Variants in AASS observed in about 807,000 individuals in gnomAD.
AASS encodes the protein aminoadipate-semialdehyde synthase.
AASS carries 86 observed loss-of-function variants against 105.4 expected under a neutral mutation model. The ratio of observed to expected loss-of-function variants is 0.82; its 90% CI spans 0.69 to 0.98. The LOEUF is 0.98. Among genes scored for constraint, AASS ranks in the 50% least tolerant of loss-of-function variants. The pLI is 0.00. For synonymous variants in AASS, 381 were observed against 394.8 expected (o/e 0.96, Z 0.41); for missense variants, 1,048 against 1,143.2 (o/e 0.92, Z 1.20).
intron 4 of AASS, among the ~76,000 whole-genome samples, chr7:122,121,595 G>A (rs969136890): frequency 3.9e-5 from 6 of 151,986 alleles, no homozygotes; most frequent in Non-Finnish European, 5.9e-5. Context: ...GGACTTCATC[G>A]TGTGCCCAGG....
chr7:122,087,953 A>C (rs1415232194), intron 18 of AASS, among the ~76,000 whole-genome samples: 1 of 152,200 alleles, frequency 6.6e-6, no homozygotes, highest in African/African-American at 2.4e-5. Flanking sequence ...TGAGAATGGC[A>C]GGTGGCTAAG....
chr7:122,076,456 C>T lies in AASS; in HGVS notation c.*33G>A. The stretch of plus-strand genomic sequence containing the variant: ...CACACACATGTTCAGAGGTGTATTG[C>T]CTGGGAAGAAAAAAACAAAATATAA... On this transcript the variant is annotated 3_prime_UTR_variant, in exon 24 of 24. Coordinates refer to ENST00000417368, the MANE Select transcript of AASS (RefSeq NM_005763.4). The T allele has an allele frequency of 1.4e-6, 2 of 1,418,216 alleles. No homozygotes were observed. The highest frequency in any genetic ancestry group is 2.0e-6 in the Non-Finnish European group (2 of 1,001,870). The allele number at this position is 1,418,216 out of a possible 1,614,324, so 87.9% of individuals were successfully genotyped here. A position where few individuals can be genotyped will look rare whatever the true frequency, so the allele number is the denominator to read the frequency against.
chr7:122,082,861 C>G, intron 19 of AASS: 1 of 1,289,498 alleles, frequency 7.8e-7, no homozygotes, highest in Non-Finnish European at 1.0e-6. Context: ...CATTATTCAA[C>G]ATTCCAATCC....
intron 1 of AASS, among the ~76,000 whole-genome samples, chr7:122,143,364 C>T (rs1483045336): frequency 6.6e-6 from 1 of 151,194 alleles, no homozygotes; most frequent in African/African-American, 2.4e-5. Flanking sequence ...CACCCCCATT[C>T]CCCTGAAATC....
intron 23 of AASS, 57 bp from the exon 24 acceptor site, chr7:122,076,664 C>T (rs759337564): frequency 3.0e-6 from 4 of 1,317,678 alleles, no homozygotes; most frequent in Non-Finnish European, 4.4e-6. Context: ...AGGTTAATTT[C>T]CCCATCAAGA....
intron 18 of AASS, among the ~76,000 whole-genome samples, chr7:122,088,381 C>T (rs1376652942): frequency 1.3e-5 from 2 of 152,008 alleles, no homozygotes; most frequent in Admixed American, 1.3e-4. Context: ...TTGTACTGGG[C>T]ATTATCTTTA....
At chr7:122,121,254 A>G (rs12671513) in intron 4 of AASS, among the ~76,000 whole-genome samples, 5,419 of 152,254 alleles carry the variant, frequency 0.036, 244 homozygotes, top group African/African-American at 0.1. Flanking sequence ...CTTCCGGTAT[A>G]ATAAAATAAA....
At position 122,101,643 on chromosome 7, in the gene AASS, T is replaced by C; in HGVS notation, c.1316A>G (p.Asn439Ser). ...SDATQPLESQ[N>S]FSPVVRDAVI... The stretch of plus-strand genomic sequence containing the variant: ...TACATCTCTCACCACAGGAGAAAAA[T>C]TCTGACTTTCAAGAGGCTGTGTCGC... The change falls in exon 12 of 24, where the codon AAT becomes AGT. Residue 439 changes from asparagine (N) to serine (S), a missense_variant. Physicochemically the swap from Asn to Ser is conservative, Grantham distance 46. Transcript: ENST00000417368. 3 of 1,611,460 alleles carry C rather than the reference T, an allele frequency of 1.9e-6. No individual in the cohort carries two copies. The highest frequency in any genetic ancestry group is 2.5e-6 in the Non-Finnish European group (3 of 1,178,322).
chr7:122,117,131 G>A lies in AASS; in HGVS notation c.688-174C>T, dbSNP rs73426024. ...TTGCTTACAACCAGCCTGCTAGCTA[G>A]CTTTTATTCCTGTTAGAACAGCACA... On this transcript the variant is annotated intron_variant, in intron 6 of 23. Coordinates refer to ENST00000417368, the MANE Select transcript of AASS (RefSeq NM_005763.4). Among the ~76,000 whole-genome samples, 629 of 152,266 alleles carry A rather than the reference G, an allele frequency of 4.1e-3. 7 individuals are homozygous for A. The highest frequency in any genetic ancestry group is 0.014 in the African/African-American group (599 of 41,556).
intron 2 of AASS, among the ~76,000 whole-genome samples, chr7:122,131,130 T>C (rs1442882930): frequency 6.6e-6 from 1 of 151,332 alleles, no homozygotes; most frequent in African/African-American, 2.4e-5. Context: ...AATGAAAACA[T>C]GACTTCATTT....
intron 2 of AASS, 41 bp downstream of exon 2, chr7:122,133,476 G>C (rs760391359): frequency 6.3e-7 from 1 of 1,596,790 alleles, no homozygotes; most frequent in Admixed American, 1.7e-5. Context: ...TTCATATGCA[G>C]GTTCATTTTA....
chr7:122,073,841 T>C lies in AASS; in HGVS notation c.*2648A>G, dbSNP rs1792877966. Among the ~76,000 whole-genome samples, 1 of 152,234 alleles carries C rather than the reference T, an allele frequency of 6.6e-6. No homozygotes were observed. Among genetic ancestry groups the C allele is most frequent in the Non-Finnish European group, 1.5e-5 (1 of 68,048 alleles). ...AAATGAAATCATATAATATGTGGCC[T>C]TTCATGTCTGGCATTCTTCACTTGA... On this transcript the variant is annotated 3_prime_UTR_variant, in exon 24 of 24. Coordinates refer to ENST00000417368, the MANE Select transcript of AASS (RefSeq NM_005763.4).
At position 122,074,285 on chromosome 7, in the gene AASS, A is replaced by G. The variant is rs978215613; in HGVS notation, c.*2204T>C. Reference sequence around the variant, plus strand: ...GCCTTTTGTGTATCTTCTTTGGAGAACTGTTAATTCAGATCTCTTGTTGAT... The same window carrying G: ...GCCTTTTGTGTATCTTCTTTGGAGAGCTGTTAATTCAGATCTCTTGTTGAT... On this transcript the variant is annotated 3_prime_UTR_variant, in exon 24 of 24. Coordinates refer to ENST00000417368, the MANE Select transcript of AASS (RefSeq NM_005763.4). Among the ~76,000 whole-genome samples the G allele has an allele frequency of 7.9e-5, 12 of 152,172 alleles. No homozygotes were observed. The highest frequency in any genetic ancestry group is 1.6e-4 in the Non-Finnish European group (11 of 68,020).
chr7:122,103,150 C>T (rs1794509711), intron 11 of AASS, among the ~76,000 whole-genome samples: 1 of 151,918 alleles, frequency 6.6e-6, no homozygotes, highest in Non-Finnish European at 1.5e-5. Flanking sequence ...AGAGTTAACC[C>T]AAAGAGGTCC....
At chr7:122,092,600 T>C (rs904121469) in intron 17 of AASS, among the ~76,000 whole-genome samples, 1 of 152,112 alleles carries the variant, frequency 6.6e-6, no homozygotes, top group African/African-American at 2.4e-5. Context: ...GGTGCGTGCC[T>C]GTAATCCCAG....
At chr7:122,126,600 T>C (rs771803176) in intron 3 of AASS, 141 bp from the exon 4 acceptor site, 9 of 727,392 alleles carry the variant, frequency 1.2e-5, no homozygotes, top group Non-Finnish European at 1.7e-5. Flanking sequence ...CCATCAGGTA[T>C]ACCATGAAAT....
chr7:122,140,652 A>G (rs974816532), intron 1 of AASS, among the ~76,000 whole-genome samples: 4 of 151,986 alleles, frequency 2.6e-5, no homozygotes, highest in Non-Finnish European at 4.4e-5. Context: ...TTGTCCATCT[A>G]TTTTAGATAT....
intron 20 of AASS, 46 bp downstream of exon 20, chr7:122,081,454 G>A (rs758480052): frequency 1.4e-5 from 19 of 1,389,782 alleles, no homozygotes; most frequent in Non-Finnish European, 1.8e-5. Context: ...ATTTCAGAAG[G>A]TATTTCTGAA....
At position 122,082,888 on chromosome 7, in the gene AASS, A is replaced by G. The variant is rs905077295; in HGVS notation, c.2185-1293T>C. On this transcript the variant is annotated intron_variant, in intron 19 of 23. Transcript: ENST00000417368. ...TTCCAATCCATTATTCAGCATTCCAATCCCTAAAAGAGAACAAATGGCTGG... is the reference window on the plus strand; with the variant it reads ...TTCCAATCCATTATTCAGCATTCCAGTCCCTAAAAGAGAACAAATGGCTGG... The G allele has an allele frequency of 7.0e-6, 9 of 1,285,316 alleles. No homozygotes were observed. In the African/African-American group the frequency reaches 1.1e-4, roughly 15 times the overall value. The allele number at this position is 1,285,316 out of a possible 1,614,324, so 79.6% of individuals were successfully genotyped here.
Sources: gnomAD v4.1 joint callset for allele counts (sites outside exome capture counted in the v4.1 genomes callset) on GRCh38, gnomAD v4.1.1 for gene constraint, MANE v1.5 for transcripts, NCBI Gene and HGNC (gene_info 2026-07-23, HGNC 2026-07-21) for gene names.